PARD3B: variants seen among roughly 807,000 people sequenced by gnomAD.
PARD3B encodes the protein partitioning defective 3 homolog B.
A neutral mutation model predicts 130.2 loss-of-function variants in PARD3B; 103 were observed. That is an observed-to-expected ratio of 0.79 (90% CI 0.67 to 0.93). The LOEUF (loss-of-function observed/expected upper bound fraction) is 0.93, where lower values mean the gene tolerates loss of function less well. Ranked by LOEUF, PARD3B falls within the 40% of genes least tolerant of loss-of-function variation. The pLI is 0.00. For missense variants in PARD3B, 1,609 were observed against 1,499.2 expected (o/e 1.07, Z -1.21); for synonymous variants, 583 against 553.2 (o/e 1.05, Z -0.76).
chr2:205,156,339 C>A (rs960117561), intron 10 of PARD3B, among the ~76,000 whole-genome samples: 2 of 151,062 alleles, frequency 1.3e-5, no homozygotes, highest in East Asian at 1.9e-4. Flanking sequence ...GTGCAGCACA[C>A]CAGCATGGCA....
intron 2 of PARD3B, among the ~76,000 whole-genome samples, chr2:204,959,462 A>G (rs1690559341): frequency 6.6e-6 from 1 of 152,206 alleles, no homozygotes; most frequent in African/African-American, 2.4e-5. Context: ...TCTTTATAGT[A>G]GAATGATTTA....
intron 20 of PARD3B, among the ~76,000 whole-genome samples, chr2:205,495,884 G>A (rs974247609): frequency 6.6e-6 from 1 of 152,052 alleles, no homozygotes; most frequent in African/African-American, 2.4e-5. Flanking sequence ...ATTTTTTGAG[G>A]TTTTAAGATA....
At chr2:204,766,571 A>G (rs1239296561) in intron 2 of PARD3B, among the ~76,000 whole-genome samples, 1 of 152,112 alleles carries the variant, frequency 6.6e-6, no homozygotes, top group Non-Finnish European at 1.5e-5. Flanking sequence ...TATTACATTC[A>G]CAGTCAAAAT....
chr2:205,240,500 G>C (rs967510829), intron 15 of PARD3B, among the ~76,000 whole-genome samples: 5 of 152,088 alleles, frequency 3.3e-5, no homozygotes, highest in African/African-American at 1.2e-4. Context: ...TTTTAGAGTG[G>C]TACTTTGCCT....
intron 21 of PARD3B, among the ~76,000 whole-genome samples, chr2:205,516,739 A>G (rs1311888820): frequency 1.3e-5 from 2 of 151,860 alleles, no homozygotes; most frequent in Non-Finnish European, 2.9e-5. Context: ...CTTCCTCTCT[A>G]TTTGGATGCC....
At chr2:204,631,288 T>G (rs961128579) in intron 1 of PARD3B, among the ~76,000 whole-genome samples, 1 of 151,478 alleles carries the variant, frequency 6.6e-6, no homozygotes, top group Non-Finnish European at 1.5e-5. Context: ...TCTCGCTCTG[T>G]CACCAGGCTG....
Position 204,852,280 on chromosome 2 carries a change from T to C in PARD3B, c.223-112872T>C, listed in dbSNP as rs572369283. ...TGCTCTTTAATTTTCATTATTGCCC[T>C]GTGGGAAATACTGCGTATATATTTA... is the stretch of plus-strand genomic sequence containing the variant. On this transcript the variant is annotated intron_variant, in intron 2 of 22. Transcript: ENST00000406610. Among the ~76,000 whole-genome samples, 9 of 152,236 alleles carry C rather than the reference T, an allele frequency of 5.9e-5. 1 individual carries two copies. Among genetic ancestry groups the C allele is most frequent in the African/African-American group, 1.9e-4 (8 of 41,560 alleles).
intron 4 of PARD3B, among the ~76,000 whole-genome samples, chr2:205,086,636 G>A (rs2125527024): frequency 6.6e-6 from 1 of 152,274 alleles, no homozygotes; most frequent in East Asian, 1.9e-4. Context: ...TTTCATGACA[G>A]TGGTGGAGGA....
intron 22 of PARD3B, among the ~76,000 whole-genome samples, chr2:205,577,269 A>C (rs899469940): frequency 5.9e-5 from 9 of 151,642 alleles, no homozygotes; most frequent in African/African-American, 2.2e-4. Flanking sequence ...TTTTCTTTCC[A>C]ATCTGTATAC....
chr2:204,845,164 G>A (rs1409415660), intron 2 of PARD3B, among the ~76,000 whole-genome samples: 2 of 152,126 alleles, frequency 1.3e-5, no homozygotes, highest in Non-Finnish European at 2.9e-5. Flanking sequence ...AGGTGTTAAT[G>A]TTACCCTCAA....
chr2:204,871,337 G>T (rs2045622451), intron 2 of PARD3B, among the ~76,000 whole-genome samples: 1 of 151,968 alleles, frequency 6.6e-6, no homozygotes, highest in Non-Finnish European at 1.5e-5. Context: ...TCTATTGTTT[G>T]AATAAAAAAT....
At chr2:205,311,213 G>A (rs1334760735) in intron 18 of PARD3B, among the ~76,000 whole-genome samples, 1 of 152,098 alleles carries the variant, frequency 6.6e-6, no homozygotes, top group African/African-American at 2.4e-5. Context: ...TGGAGTATAT[G>A]GTAGTTCTTT....
intron 1 of PARD3B, among the ~76,000 whole-genome samples, chr2:204,548,801 A>G (rs1248040407): frequency 6.6e-6 from 1 of 152,202 alleles, no homozygotes; most frequent in Non-Finnish European, 1.5e-5. Flanking sequence ...ACTATGAAAA[A>G]TATTCCTCAG....
In PARD3B at chr2:205,620,007, A is replaced by G. The variant is rs1210108686; in HGVS notation, c.*4194A>G. Reference sequence around the variant, plus strand: ...TTCTGAAGATAAATTATGTGAAATCATATTTTGGCATATGGGGGTGGAGGA... The same window carrying G: ...TTCTGAAGATAAATTATGTGAAATCGTATTTTGGCATATGGGGGTGGAGGA... On this transcript the variant is annotated 3_prime_UTR_variant, in exon 23 of 23. Coordinates refer to ENST00000406610, the MANE Select transcript of PARD3B (RefSeq NM_001302769.2). The G allele has an allele frequency of 2.6e-5, 4 of 152,170 alleles. No homozygotes were observed. The East Asian group carries it at 7.7e-4, about 29-fold the overall frequency. The allele number at this position is 152,170 out of a possible 1,614,324, so 9.4% of individuals were successfully genotyped here.
intron 1 of PARD3B, among the ~76,000 whole-genome samples, chr2:204,604,526 A>C (rs1240291447): frequency 6.6e-6 from 1 of 152,180 alleles, no homozygotes; most frequent in African/African-American, 2.4e-5. Context: ...CTGTTTCCTG[A>C]AACACGCTGA....
At chr2:204,697,785 T>TACTC (rs2037686154) in intron 2 of PARD3B, among the ~76,000 whole-genome samples, 1 of 152,062 alleles carries the variant, frequency 6.6e-6, no homozygotes, top group Non-Finnish European at 1.5e-5. Context: ...TGCATGTGAC[T>TACTC]ACTCACCTGC....
intron 2 of PARD3B, among the ~76,000 whole-genome samples, chr2:204,704,086 C>G (rs1340260992): frequency 6.6e-6 from 1 of 152,050 alleles, no homozygotes; most frequent in Non-Finnish European, 1.5e-5. Context: ...TTGTATTGTG[C>G]TAAAGTACAC....
intron 1 of PARD3B, 194 bp downstream of exon 1, chr2:204,546,313 C>A: frequency 1.3e-6 from 1 of 764,958 alleles, no homozygotes; most frequent in Non-Finnish European, 2.1e-6. Flanking sequence ...CTCCGAGGGT[C>A]GTGAGTGGAC....
intron 15 of PARD3B, among the ~76,000 whole-genome samples, chr2:205,197,030 GGGGTGTGTGTGTGTGTGT>G (rs2036725028): frequency 5.9e-5 from 1 of 17,076 alleles, no homozygotes; most frequent in Non-Finnish European, 1.0e-4. Flanking sequence ...CTGTGGGGGG[GGGGTGTGTGTGTGTGTGT>G]GTGTGTGTGT....
Sources: gnomAD v4.1 joint callset for allele counts (sites outside exome capture counted in the v4.1 genomes callset) on GRCh38, gnomAD v4.1.1 for gene constraint, MANE v1.5 for transcripts, NCBI Gene and HGNC (gene_info 2026-07-23, HGNC 2026-07-21) for gene names.